DPEP1: variants seen among roughly 807,000 people sequenced by gnomAD.
DPEP1 encodes the protein beta-lactamase.
DPEP1 carries 50 observed loss-of-function variants against 42.3 expected under a neutral mutation model. That is an observed-to-expected ratio of 1.18 (90% CI 0.94 to 1.50). The LOEUF (loss-of-function observed/expected upper bound fraction) is 1.50, where lower values mean the gene tolerates loss of function less well. Ranked by LOEUF, DPEP1 falls within the 40% of genes most tolerant of loss-of-function variation. The pLI, the probability that DPEP1 is intolerant of heterozygous loss-of-function variation, is 0.00. For synonymous variants in DPEP1, 297 were observed against 234.0 expected (o/e 1.27, Z -2.46); for missense variants, 663 against 553.0 (o/e 1.20, Z -1.99).
chr16:89,637,142 C>T (rs1047866071), intron 6 of DPEP1, 62 bp from the exon 7 acceptor site: 25 of 1,571,624 alleles, frequency 1.6e-5, no homozygotes, highest in African/African-American at 6.8e-5. Flanking sequence ...TGGTCCAGCC[C>T]GTCCACCTCC....
chr16:89,622,000 G>A (rs1279449321), intron 1 of DPEP1, among the ~76,000 whole-genome samples: 7 of 152,144 alleles, frequency 4.6e-5, no homozygotes, highest in Admixed American at 2.0e-4. Context: ...GACAGAGCTG[G>A]GTGGAAACAC....
chr16:89,634,238 G>A (rs140491774), intron 2 of DPEP1, among the ~76,000 whole-genome samples: 3,241 of 151,796 alleles, frequency 0.021, 57 homozygotes, highest in South Asian at 0.067. Context: ...ACAGGCACCC[G>A]CCACCACTCC....
Position 89,636,573 on chromosome 16 carries a change from G to C in DPEP1, c.411G>C (p.Leu137=), listed in dbSNP as rs373233829. 6.2e-7 allele frequency: 1 copy of C among 1,612,468 alleles called. No homozygotes were observed. ...TCCGGGAAGGGAAGGTGGCCAGCCT[G>C]ATCGGCGTGGAGGGCGGCCACTCCA... The part of the protein sequence containing the change: ...QAFREGKVAS[L]IGVEGGHSID... Residue 137 remains leucine, a synonymous_variant, in exon 5 of 11, where the codon CTG becomes CTC. Transcript: ENST00000690203.
In DPEP1 at chr16:89,627,755, G is replaced by T. The variant is rs544858011; in HGVS notation, c.-106-2550G>T. ...GGCTCACTGCAACCTCCGCCTCCCT[G>T]GTTCAAGTGATTCTCCTCCAAAAGC... is the stretch of plus-strand genomic sequence containing the variant. On this transcript the variant is annotated intron_variant, in intron 1 of 10. Coordinates refer to ENST00000690203, the MANE Select transcript of DPEP1 (RefSeq NM_001389466.1). Among the ~76,000 whole-genome samples, 275 of 139,686 alleles carry T rather than the reference G, an allele frequency of 2.0e-3. 3 individuals carry two copies. The highest frequency in any genetic ancestry group is 7.0e-3 in the African/African-American group (265 of 37,712). 91.6% of individuals were successfully genotyped at this position (139,686 alleles called of 152,430 possible).
Position 89,638,297 on chromosome 16 carries a change from C to T in DPEP1, c.*75C>T. On this transcript the variant is annotated 3_prime_UTR_variant, in exon 11 of 11. Coordinates refer to ENST00000690203, the MANE Select transcript of DPEP1 (RefSeq NM_001389466.1). ...CCCGCCCATCCCAGGACTCCAGATGCCAGGAGCCCTGCTGCCCACATGCAA... is the reference window on the plus strand; with the variant it reads ...CCCGCCCATCCCAGGACTCCAGATGTCAGGAGCCCTGCTGCCCACATGCAA... 1 of 1,463,438 alleles carries T rather than the reference C, an allele frequency of 6.8e-7. No individual in the cohort carries two copies. The highest frequency in any genetic ancestry group is 1.4e-5 in the African/African-American group (1 of 70,264). 90.7% of individuals were successfully genotyped at this position (1,463,438 alleles called of 1,614,324 possible).
intron 1 of DPEP1, among the ~76,000 whole-genome samples, chr16:89,618,684 G>A (rs895307000): frequency 3.3e-5 from 5 of 152,030 alleles, no homozygotes; most frequent in African/African-American, 1.2e-4. Flanking sequence ...TGTCTGTAGA[G>A]ACGAGGTCTC....
downstream of DPEP1, among the ~76,000 whole-genome samples, chr16:89,641,221 G>A (rs1597781046): frequency 4.3e-5 from 1 of 23,084 alleles, no homozygotes; most frequent in Middle Eastern, 7.8e-3. Flanking sequence ...GGAGGGCTGC[G>A]GGGGGGGGTT....
chr16:89,617,614 G>A (rs113213189), intron 1 of DPEP1, among the ~76,000 whole-genome samples: 16 of 149,466 alleles, frequency 1.1e-4, no homozygotes, highest in South Asian at 8.5e-4. Flanking sequence ...TTGGGAGGCC[G>A]GGCGCGGCGG....
chr16:89,636,900 G>A lies in DPEP1; in HGVS notation c.556G>A (p.Glu186Lys), dbSNP rs368870164. ...CTGGCTGGTGGACACGGGAGACAGC[G>A]AGCCCCAGAGCCAAGGCTTGTCACC... is the stretch of plus-strand genomic sequence containing the variant. ...DNWLVDTGDSEPQSQGLSPFG... is the reference protein window; with the variant it reads ...DNWLVDTGDSKPQSQGLSPFG... Residue 186 changes from glutamate to lysine, a missense_variant, in exon 6 of 11, where the codon GAG becomes AAG. Glu to Lys is a moderately conservative substitution (Grantham distance 56, BLOSUM62 1). Transcript: ENST00000690203. 139 of 1,612,560 alleles carry A rather than the reference G, an allele frequency of 8.6e-5. No individual in the cohort carries two copies. In the Admixed American group the frequency reaches 1.4e-3, roughly 16 times the overall value.
downstream of DPEP1, among the ~76,000 whole-genome samples, chr16:89,639,012 G>A (rs1031669972): frequency 1.3e-4 from 1 of 7,786 alleles, no homozygotes; most frequent in Non-Finnish European, 2.2e-4. Context: ...CACACACACC[G>A]CACCCCTGCA....
rs60909664 is a variant in DPEP1, at chr16:89,628,252, C to CTTTTTTT, written c.-106-2050_-106-2049insTTTTTTT. 7.9e-5 allele frequency among the ~76,000 whole-genome samples: 6 copies of CTTTTTTT among 75,522 alleles called. 1 individual carries two copies. Among genetic ancestry groups the CTTTTTTT allele is most frequent in the Non-Finnish European group, 1.3e-4 (5 of 38,766 alleles). 49.5% of individuals were successfully genotyped at this position (75,522 alleles called of 152,430 possible). ...AGGTATTTCTTTCTTTCTTTCTTTTCTTTCTTTTTTTTTTTTTTTTGTGAG... is the reference window on the plus strand; with the variant it reads ...AGGTATTTCTTTCTTTCTTTCTTTTCTTTTTTTTTTCTTTTTTTTTTTTTTTTGTGAG... On this transcript the variant is annotated intron_variant, in intron 1 of 10. Transcript: ENST00000690203.
At chr16:89,628,432 A>G (rs1263906503) in intron 1 of DPEP1, among the ~76,000 whole-genome samples, 4 of 144,792 alleles carry the variant, frequency 2.8e-5, no homozygotes, top group Non-Finnish European at 4.5e-5. Flanking sequence ...TAATTTTTGT[A>G]TTTTTAGTAG....
intron 1 of DPEP1, among the ~76,000 whole-genome samples, chr16:89,614,622 G>T (rs539744299): frequency 1.3e-5 from 2 of 152,052 alleles, no homozygotes; most frequent in South Asian, 4.2e-4. Context: ...GTGAAACCCC[G>T]TCTCTAATAA....
chr16:89,615,941 C>T (rs1050137590), intron 1 of DPEP1, among the ~76,000 whole-genome samples: 3 of 152,042 alleles, frequency 2.0e-5, no homozygotes, highest in Non-Finnish European at 2.9e-5. Context: ...CCCAAAGGCG[C>T]AGGGCTCAGG....
downstream of DPEP1, chr16:89,638,589 C>T: frequency 1.3e-6 from 1 of 776,622 alleles, no homozygotes; most frequent in Non-Finnish European, 1.6e-6. Context: ...TGTAGAGACA[C>T]TGCTTGAGCG....
downstream of DPEP1, among the ~76,000 whole-genome samples, chr16:89,641,357 C>T (rs1005278436): frequency 2.0e-5 from 3 of 152,206 alleles, no homozygotes; most frequent in African/African-American, 7.2e-5. Flanking sequence ...ACTGACGTGA[C>T]CGCTAGACCA....
chr16:89,637,199 C>T lies in DPEP1; in HGVS notation c.592-5C>T, dbSNP rs2151503145. 6.2e-7 allele frequency: 1 copy of T among 1,611,094 alleles called. No homozygotes were observed. Among genetic ancestry groups the T allele is most frequent in the Non-Finnish European group, 8.5e-7 (1 of 1,178,920 alleles). ...GTGAGGGTGGACGGAGCCCTGTCTT[C>T]CCAGCGTGTGGTGAAGGAGCTGAAC... On this transcript the variant is annotated splice_polypyrimidine_tract_variant and splice_region_variant and intron_variant, in intron 6 of 10. Coordinates refer to ENST00000690203, the MANE Select transcript of DPEP1 (RefSeq NM_001389466.1).
At position 89,638,248 on chromosome 16, in the gene DPEP1, A is replaced by T; in HGVS notation, c.*26A>T. ...AACCTGGGAGACCAGAGTCCCCTTTAGGGTTCCCGGAGCTCCGGGAAGACC... is the reference window on the plus strand; with the variant it reads ...AACCTGGGAGACCAGAGTCCCCTTTTGGGTTCCCGGAGCTCCGGGAAGACC... On this transcript the variant is annotated 3_prime_UTR_variant, in exon 11 of 11. Coordinates refer to ENST00000690203, the MANE Select transcript of DPEP1 (RefSeq NM_001389466.1). The T allele has an allele frequency of 6.6e-7, 1 of 1,505,272 alleles. No individual in the cohort carries two copies. Among genetic ancestry groups the T allele is most frequent in the Non-Finnish European group, 8.9e-7 (1 of 1,123,360 alleles). The allele number at this position is 1,505,272 out of a possible 1,614,324, so 93.2% of individuals were successfully genotyped here.
At chr16:89,615,985 A>G (rs185175984) in intron 1 of DPEP1, among the ~76,000 whole-genome samples, 1 of 152,144 alleles carries the variant, frequency 6.6e-6, no homozygotes, top group Admixed American at 6.5e-5. Context: ...AGGCAGGAGA[A>G]TTACTTGAAC....
Sources: allele counts gnomAD v4.1 joint callset (sites outside exome capture counted in the v4.1 genomes callset), GRCh38; gene constraint gnomAD v4.1.1; transcripts MANE v1.5; gene names NCBI Gene and HGNC (gene_info 2026-07-23, HGNC 2026-07-21).